The following NEBL variants were observed in gnomAD, a reference collection of about 807,000 sequenced individuals.
NEBL encodes the protein LIM and SH3 protein 2.
Under a neutral mutation model 140.2 loss-of-function variants are expected in NEBL, and 122 were observed. The observed-to-expected ratio is 0.87, with a 90% CI of 0.75 to 1.01. The LOEUF is 1.01. NEBL is among the 50% of genes least tolerant of loss of function. The pLI, the probability that NEBL is intolerant of heterozygous loss-of-function variation, is 0.00. For synonymous variants in NEBL, 436 were observed against 398.9 expected (o/e 1.09, Z -1.11); for missense variants, 1,365 against 1,231.3 (o/e 1.11, Z -1.62).
At chr10:20,887,888 C>G (rs963286307) in intron 4 of NEBL, among the ~76,000 whole-genome samples, 1 of 152,196 alleles carries the variant, frequency 6.6e-6, no homozygotes, top group African/African-American at 2.4e-5. Flanking sequence ...ACTCAGAAAA[C>G]AGTACCATGT....
At position 20,859,737 on chromosome 10, in the gene NEBL, C is replaced by A. The variant is rs1252035063; in HGVS notation, c.774G>T (p.Gln258His). Residue 258 changes from glutamine (Q) to histidine (H), a missense_variant, in exon 8 of 28, where the codon CAG becomes CAT. Coordinates refer to ENST00000377122, the MANE Select transcript of NEBL (RefSeq NM_006393.3). ...CATTGCTCGCCAGTGTAGCAGCAAG[C>A]TGATTCTGCCTAAAAGAAGCACTTT... The part of the protein sequence containing the change: ...PLESASFRQN[Q>H]LAATLASNVK... The A allele has an allele frequency of 6.3e-7, 1 of 1,599,106 alleles. No individual in the cohort carries two copies. The highest frequency in any genetic ancestry group is 1.7e-5 in the Admixed American group (1 of 59,808).
chr10:20,991,209 A>G (rs183778907), intron 3 of NEBL, among the ~76,000 whole-genome samples: 4 of 152,318 alleles, frequency 2.6e-5, no homozygotes, highest in Admixed American at 6.5e-5. Flanking sequence ...TCTCTGACTT[A>G]ATGAAGAATG....
intron 2 of NEBL, chr10:21,029,220 C>A: frequency 6.8e-7 from 1 of 1,469,368 alleles, no homozygotes; most frequent in Non-Finnish European, 9.5e-7. Flanking sequence ...CCATCCTTCC[C>A]ACTGCTCCAC....
rs112559213 is a variant in NEBL at position 20,990,983 on chromosome 10, C to T, written c.249+29134G>A. Among the ~76,000 whole-genome samples the T allele has an allele frequency of 4.5e-3, 689 of 152,274 alleles. 5 individuals carry two copies. Among genetic ancestry groups the T allele is most frequent in the African/African-American group, 0.015 (622 of 41,546 alleles). On this transcript the variant is annotated intron_variant, in intron 3 of 6. Transcript: ENST00000417816. ...TGGGCACTCTATTTTGCACGCTGTC[C>T]ATCAATCAAGCTCTGCCCTATACAA...
intron 3 of NEBL, among the ~76,000 whole-genome samples, chr10:21,008,594 G>C (rs1191669656): frequency 6.6e-6 from 1 of 151,986 alleles, no homozygotes; most frequent in African/African-American, 2.4e-5. Flanking sequence ...CAAAACCACA[G>C]TGCGATACCA....
At chr10:20,859,898 A>G in intron 7 of NEBL, 72 bp from the exon 8 acceptor site, 1 of 736,098 alleles carries the variant, frequency 1.4e-6, no homozygotes, top group Non-Finnish European at 2.3e-6. Flanking sequence ...ACGTAGATAA[A>G]ATAAAAGCTA....
At chr10:21,172,199 G>C in intron 2 of NEBL, 1 of 632,180 alleles carries the variant, frequency 1.6e-6, no homozygotes, top group Non-Finnish European at 2.8e-6. Flanking sequence ...CAACACATTA[G>C]AAAGGTATAA....
intron 10 of NEBL, 98 bp from the exon 11 acceptor site, chr10:20,850,600 T>A: frequency 1.2e-6 from 1 of 800,962 alleles, no homozygotes; most frequent in Middle Eastern, 3.5e-4. Flanking sequence ...CATCTTGTTG[T>A]CTAAAATCAT....
chr10:21,064,875 G>A (rs1266063342), intron 2 of NEBL, among the ~76,000 whole-genome samples: 3 of 151,626 alleles, frequency 2.0e-5, no homozygotes, highest in Non-Finnish European at 4.4e-5. Flanking sequence ...AAAGCAATCT[G>A]AGAAAGGAAA....
intron 26 of NEBL, among the ~76,000 whole-genome samples, chr10:20,805,888 A>T (rs1257386614): frequency 6.6e-6 from 1 of 151,818 alleles, no homozygotes; most frequent in African/African-American, 2.4e-5. Context: ...CTTACAAGGC[A>T]TTATTTGAGT....
intron 2 of NEBL, among the ~76,000 whole-genome samples, chr10:21,080,244 A>G (rs181150289): frequency 1.2e-4 from 18 of 152,356 alleles, no homozygotes; most frequent in Admixed American, 1.2e-3. Context: ...CTTTCTAAAT[A>G]GATACTTTGG....
At chr10:20,935,361 T>C (rs980020647) in intron 4 of NEBL, among the ~76,000 whole-genome samples, 1 of 152,228 alleles carries the variant, frequency 6.6e-6, no homozygotes, top group African/African-American at 2.4e-5. Flanking sequence ...AGCCTACAAG[T>C]GACGCTAATA....
At chr10:20,901,550 TAAAAC>T (rs1252427221), upstream of NEBL, among the ~76,000 whole-genome samples, 3 of 152,166 alleles carry the variant, frequency 2.0e-5, no homozygotes, top group Non-Finnish European at 4.4e-5. Flanking sequence ...AATAAACAAT[TAAAAC>T]AGATCCAAAT....
rs1388458135 is a variant in NEBL at position 20,826,545 on chromosome 10, T to C, written c.1777-6A>G. 6.3e-7 allele frequency: 1 copy of C among 1,595,226 alleles called. No individual in the cohort carries two copies. The highest frequency in any genetic ancestry group is 8.6e-7 in the Non-Finnish European group (1 of 1,164,244). ...ACTTCTTTCTTATAAAATACCTTTA[T>C]TATAAGAAAAGGAAAAGAATAACTA... On this transcript the variant is annotated splice_region_variant and splice_polypyrimidine_tract_variant and intron_variant, in intron 17 of 27. Transcript: ENST00000377122.
intron 4 of NEBL, among the ~76,000 whole-genome samples, chr10:20,924,438 A>AAAG (rs1554807406): frequency 6.8e-6 from 1 of 147,436 alleles, no homozygotes; most frequent in African/African-American, 2.5e-5. Flanking sequence ...AAAAAAAAAA[A>AAAG]GGCTACACCT....
chr10:21,219,170 A>G (rs889810557), intron 3 of NEBL, among the ~76,000 whole-genome samples: 6 of 152,222 alleles, frequency 3.9e-5, no homozygotes, highest in Non-Finnish European at 5.9e-5. Context: ...CTTTCTAAAA[A>G]TGTGAGTTGG....
At chr10:21,001,657 T>G (rs1589125530) in intron 3 of NEBL, among the ~76,000 whole-genome samples, 1 of 152,236 alleles carries the variant, frequency 6.6e-6, no homozygotes, top group Non-Finnish European at 1.5e-5. Context: ...TTTAGCCCAT[T>G]TATGCCTAGT....
chr10:21,211,629 C>T (rs1841917000), intron 3 of NEBL, among the ~76,000 whole-genome samples: 1 of 152,216 alleles, frequency 6.6e-6, no homozygotes, highest in African/African-American at 2.4e-5. Context: ...AGCCAATGAG[C>T]TGCCATCTCC....
In NEBL at chr10:21,073,480, G is replaced by C. The variant is rs1835912876; in HGVS notation, c.165-53279C>G. Among the ~76,000 whole-genome samples, 8 of 151,958 alleles carry C rather than the reference G, an allele frequency of 5.3e-5. No individual in the cohort carries two copies. The South Asian group carries it at 1.7e-3, about 32-fold the overall frequency. ...AAAAACACAAAAATTAGGCAGGCTT[G>C]GTGGCACGCACTTGTAATCCGAGCT... On this transcript the variant is annotated intron_variant, in intron 2 of 6. Coordinates refer to the NEBL transcript ENST00000417816.
Sources: allele counts gnomAD v4.1 joint callset (sites outside exome capture counted in the v4.1 genomes callset), GRCh38; gene constraint gnomAD v4.1.1; transcripts MANE v1.5; gene names NCBI Gene and HGNC (gene_info 2026-07-23, HGNC 2026-07-21).